ZNF438: variants seen among roughly 807,000 people sequenced by gnomAD.
ZNF438 encodes the protein zinc finger protein 438.
A neutral mutation model predicts 38.0 loss-of-function variants in ZNF438; 25 were observed. That is an observed-to-expected ratio of 0.66 (90% confidence interval 0.48 to 0.92). The LOEUF (loss-of-function observed/expected upper bound fraction) is 0.92. Ranked by LOEUF, ZNF438 falls within the 40% of genes least tolerant of loss-of-function variation. The probability of loss-of-function intolerance (pLI) is 0.00; values close to 1 mark genes in which losing one functional copy is unlikely to be tolerated. For synonymous variants in ZNF438, 372 were observed against 364.1 expected, an observed-to-expected ratio of 1.02 and a Z score of -0.25; for missense variants, 1,007 against 999.6, an observed-to-expected ratio of 1.01 and a Z score of -0.10.
intron 1 of ZNF438, among the ~76,000 whole-genome samples, chr10:30,949,079 G>A (rs1165206363): frequency 4.6e-5 from 7 of 152,172 alleles, no homozygotes; most frequent in Non-Finnish European, 7.4e-5. Flanking sequence ...AGCCAGAAGA[G>A]AGTGGGGGCC....
At chr10:31,027,098 CG>C (rs2056993606) in intron 1 of ZNF438, among the ~76,000 whole-genome samples, 1 of 37,958 alleles carries the variant, frequency 2.6e-5, no homozygotes, top group Non-Finnish European at 5.5e-5. Flanking sequence ...GTCGTGGGGT[CG>C]GGGGAGGGGG....
chr10:30,908,727 A>G (rs111333158), intron 3 of ZNF438, among the ~76,000 whole-genome samples: 217 of 152,330 alleles, frequency 1.4e-3, no homozygotes, highest in African/African-American at 5.0e-3. Context: ...ACTAATACTG[A>G]AATTTAGTCT....
At chr10:31,014,234 T>C (rs909198051) in intron 1 of ZNF438, among the ~76,000 whole-genome samples, 3 of 152,240 alleles carry the variant, frequency 2.0e-5, no homozygotes, top group African/African-American at 7.2e-5. Flanking sequence ...TGTCTTTGTC[T>C]GAGCTACCAC....
intron 1 of ZNF438, among the ~76,000 whole-genome samples, chr10:30,976,076 C>A (rs2051310140): frequency 6.6e-6 from 1 of 151,884 alleles, no homozygotes; most frequent in African/African-American, 2.4e-5. Context: ...TTAAAATAAT[C>A]CTTAGTTTTC....
rs775397766 is a variant in ZNF438, at chr10:30,859,805, G to GA, written c.38-9439dup. On this transcript the variant is annotated intron_variant, in intron 4 of 5. Coordinates refer to ENST00000413025, the Ensembl canonical transcript of ZNF438. ...GGTTGTTGACATTTATTTTTGTTGGGAAAAAAAAGGCACAAATCTTGAATG... is the reference window on the plus strand; with the variant it reads ...GGTTGTTGACATTTATTTTTGTTGGGAAAAAAAAAGGCACAAATCTTGAATG... Among the ~76,000 whole-genome samples the GA allele has an allele frequency of 7.5e-3, 1,133 of 151,592 alleles. 5 individuals carry two copies. Among genetic ancestry groups the GA allele is most frequent in the Middle Eastern group, 0.017 (5 of 292 alleles).
chr10:30,967,634 A>G (rs1011084177), intron 1 of ZNF438, among the ~76,000 whole-genome samples: 1 of 152,210 alleles, frequency 6.6e-6, no homozygotes, highest in East Asian at 1.9e-4. Flanking sequence ...TTTAAAACTA[A>G]TATGTTACTG....
chr10:30,970,967 A>G (rs188667344), intron 1 of ZNF438, among the ~76,000 whole-genome samples: 1 of 152,358 alleles, frequency 6.6e-6, no homozygotes, highest in Admixed American at 6.5e-5. Context: ...TTTCTGGTTT[A>G]GCAAGCAGAC....
At chr10:30,947,494 C>G (rs1284117273) in intron 1 of ZNF438, among the ~76,000 whole-genome samples, 1 of 152,238 alleles carries the variant, frequency 6.6e-6, no homozygotes, top group Admixed American at 6.5e-5. Context: ...CTGTGCCCTG[C>G]CCCCAGAGGT....
At position 31,031,878 on chromosome 10, in the gene ZNF438, C is replaced by T. The variant is rs1464512686; in HGVS notation, c.-237G>A. 1 of 152,448 alleles carries T rather than the reference C, an allele frequency of 6.6e-6. No individual in the cohort carries two copies. The highest frequency in any genetic ancestry group is 1.5e-5 in the Non-Finnish European group (1 of 68,012). The allele number at this position is 152,448 out of a possible 1,614,324, so 9.4% of individuals were successfully genotyped here. On this transcript the variant is annotated 5_prime_UTR_variant, in exon 1 of 6. Coordinates refer to ENST00000413025, the Ensembl canonical transcript of ZNF438. ...GTCACAGCGGGGTGACGTCACGGGCCCAGCAGTCGGGGAGGTCAAGCCACG... is the reference window on the plus strand; with the variant it reads ...GTCACAGCGGGGTGACGTCACGGGCTCAGCAGTCGGGGAGGTCAAGCCACG...
chr10:30,941,030 A>T (rs936720489), intron 2 of ZNF438, among the ~76,000 whole-genome samples: 1 of 152,140 alleles, frequency 6.6e-6, no homozygotes, highest in Non-Finnish European at 1.5e-5. Context: ...TCTCACTTAG[A>T]CAAATAACAC....
chr10:30,896,669 G>A (rs1268875311), intron 3 of ZNF438, among the ~76,000 whole-genome samples: 1 of 152,078 alleles, frequency 6.6e-6, no homozygotes, highest in Non-Finnish European at 1.5e-5. Flanking sequence ...GAGGAGGGGA[G>A]GCCGGAAGAG....
chr10:30,924,710 A>G (rs1461144157), intron 2 of ZNF438, among the ~76,000 whole-genome samples: 1 of 152,264 alleles, frequency 6.6e-6, no homozygotes, highest in East Asian at 1.9e-4. Flanking sequence ...CTTGACCACT[A>G]TTCTTCAAAA....
chr10:30,896,128 T>C (rs1589065987), intron 3 of ZNF438, among the ~76,000 whole-genome samples: 1 of 151,962 alleles, frequency 6.6e-6, no homozygotes, highest in Middle Eastern at 3.4e-3. Context: ...ACCCCATCTC[T>C]ACTAAAAATA....
chr10:30,849,149 G>A lies in ZNF438; in HGVS notation c.1256C>T (p.Pro419Leu), dbSNP rs564286076. Residue 419 changes from proline (P) to leucine (L), a missense_variant, in exon 5 of 6, where the codon CCC becomes CTC. Physicochemically the swap from Pro to Leu is moderately conservative, Grantham distance 98 (BLOSUM62 -3). Coordinates refer to ENST00000413025, the Ensembl canonical transcript of ZNF438. ...CAGCTTTTGGTCTCTGAATTCTTGG[G>A]GATCATTTTTTACTCTTTCTTTACC... 47 of 1,613,532 alleles carry A rather than the reference G, an allele frequency of 2.9e-5. No individual in the cohort carries two copies. The Middle Eastern group carries it at 8.2e-4, about 28-fold the overall frequency.
At chr10:30,849,258 T>C in exon 5 of ZNF438, 1 of 1,614,210 alleles carries the variant, frequency 6.2e-7, no homozygotes, top group Non-Finnish European at 8.5e-7. Context: ...TTTCTTCCTT[T>C]TCTCTTTGCT....
intron 2 of ZNF438, among the ~76,000 whole-genome samples, chr10:30,917,288 G>A (rs1398588283): frequency 6.6e-6 from 1 of 152,042 alleles, no homozygotes; most frequent in African/African-American, 2.4e-5. Context: ...TATGATTGAA[G>A]CTATATTATG....
At chr10:30,935,497 G>T (rs2046149046) in intron 2 of ZNF438, among the ~76,000 whole-genome samples, 1 of 152,146 alleles carries the variant, frequency 6.6e-6, no homozygotes, top group Admixed American at 6.5e-5. Flanking sequence ...TGGTGGAAAC[G>T]AACAGAGCAA....
chr10:30,998,945 C>G (rs1173053608), intron 1 of ZNF438, among the ~76,000 whole-genome samples: 1 of 152,160 alleles, frequency 6.6e-6, no homozygotes, highest in Non-Finnish European at 1.5e-5. Context: ...AACAACATTT[C>G]AACTGCATCT....
chr10:30,957,845 T>A (rs1408969755), intron 1 of ZNF438, among the ~76,000 whole-genome samples: 1 of 117,230 alleles, frequency 8.5e-6, no homozygotes, highest in Admixed American at 8.6e-5. Flanking sequence ...TGTTCTTTGA[T>A]GGACTAATTC....
Sources: allele counts gnomAD v4.1 joint callset (sites outside exome capture counted in the v4.1 genomes callset), GRCh38; gene constraint gnomAD v4.1.1; transcripts MANE v1.5; gene names NCBI Gene and HGNC (gene_info 2026-07-23, HGNC 2026-07-21).